Variants in KIF13B observed in about 807,000 individuals in gnomAD.
KIF13B encodes the protein kinesin-like protein KIF13B.
In KIF13B, 127 loss-of-function variants were observed where a neutral mutation model predicts 222.0. The observed-to-expected ratio is 0.57, with a 90% CI of 0.50 to 0.66. The LOEUF (loss-of-function observed/expected upper bound fraction) is 0.66. Among genes scored for constraint, KIF13B ranks in the 30% least tolerant of loss-of-function variants. The probability of loss-of-function intolerance (pLI) is 0.00; values close to 1 mark genes in which losing one functional copy is unlikely to be tolerated. For synonymous variants in KIF13B, 976 were observed against 919.0 expected (o/e 1.06, Z -1.12); for missense variants, 2,173 against 2,379.0 (o/e 0.91, Z 1.80).
intron 2 of KIF13B, among the ~76,000 whole-genome samples, chr8:29,211,670 A>T (rs1471054): frequency 0.046 from 6,950 of 152,288 alleles, 338 homozygotes; most frequent in African/African-American, 0.12. Context: ...ACTAGTACTG[A>T]GGAAGCATGT....
intron 30 of KIF13B, 133 bp downstream of exon 30, chr8:29,118,735 G>A (rs1809717989): frequency 1.2e-6 from 1 of 851,454 alleles, no homozygotes; most frequent in Non-Finnish European, 1.9e-6. Flanking sequence ...TGGAAGTCAT[G>A]ATGAAAGGTT....
intron 18 of KIF13B, chr8:29,146,093 G>C (rs1317340687): frequency 1.0e-5 from 6 of 573,532 alleles, no homozygotes; most frequent in Non-Finnish European, 6.1e-6. Flanking sequence ...AATCAGAAAA[G>C]ACTTCTAAGA....
rs939052983 is a variant in KIF13B at position 29,140,802 on chromosome 8, A to G, written c.2335-185T>C. 13 of 509,916 alleles carry G rather than the reference A, an allele frequency of 2.5e-5. No homozygotes were observed. The South Asian group carries it at 3.8e-4, about 15-fold the overall frequency. The allele number at this position is 509,916 out of a possible 1,614,324, so 31.6% of individuals were successfully genotyped here. ...ACAGCGCTGTATTACTCCCATACAC[A>G]CTCTTCCTCATTCCCATTCACAATG... On this transcript the variant is annotated intron_variant, in intron 19 of 39. Transcript: ENST00000524189.
intron 32 of KIF13B, among the ~76,000 whole-genome samples, 154 bp downstream of exon 32, chr8:29,113,309 C>T (rs769162701): frequency 1.3e-5 from 2 of 152,234 alleles, no homozygotes; most frequent in Admixed American, 1.3e-4. Flanking sequence ...GTACATTTTA[C>T]TATGAATTGA....
Position 29,210,317 on chromosome 8 carries a change from A to G in KIF13B, c.150-14118T>C, listed in dbSNP as rs138039140. ...CATTCCAGAGCACACAGACAGCCCT[A>G]CAGATCTACTCACCAGAGAGAGGGC... On this transcript the variant is annotated intron_variant, in intron 2 of 39. Coordinates refer to ENST00000524189, the MANE Select transcript of KIF13B (RefSeq NM_015254.4). Among the ~76,000 whole-genome samples, 6 of 152,328 alleles carry G rather than the reference A, an allele frequency of 3.9e-5. No individual in the cohort carries two copies. In the East Asian group the frequency reaches 1.2e-3, roughly 29 times the overall value.
intron 2 of KIF13B, among the ~76,000 whole-genome samples, chr8:29,223,241 C>G (rs182508025): frequency 7.0e-6 from 1 of 143,482 alleles, no homozygotes. Context: ...GGGGCTGAGG[C>G]GGGAGGATTG....
At chr8:29,261,444 T>C (rs1158226824) in intron 1 of KIF13B, among the ~76,000 whole-genome samples, 18 of 152,236 alleles carry the variant, frequency 1.2e-4, no homozygotes, top group Non-Finnish European at 2.5e-4. Flanking sequence ...TTTTTAGCAC[T>C]GACATTTCCA....
At chr8:29,110,112 TACAC>T in intron 32 of KIF13B, 42 bp from the exon 33 acceptor site, 1 of 1,499,750 alleles carries the variant, frequency 6.7e-7, no homozygotes, top group Non-Finnish European at 9.1e-7. Context: ...CTTCTTGATG[TACAC>T]ACACACACGT....
intron 2 of KIF13B, among the ~76,000 whole-genome samples, chr8:29,223,578 C>T (rs75628279): frequency 4.1e-3 from 628 of 152,128 alleles, no homozygotes; most frequent in East Asian, 0.026. Flanking sequence ...AAATTTAACA[C>T]GTAACTAAAA....
In KIF13B at chr8:29,251,232, A is replaced by G. The variant is rs189300485; in HGVS notation, c.56-5793T>C. On this transcript the variant is annotated intron_variant, in intron 1 of 39. Transcript: ENST00000524189. ...ATTTAGCCTGGAAAAACAAACAAAAAACACCTATCAAAAATCCAAAAGATC... is the reference window on the plus strand; with the variant it reads ...ATTTAGCCTGGAAAAACAAACAAAAGACACCTATCAAAAATCCAAAAGATC... 5.9e-5 allele frequency among the ~76,000 whole-genome samples: 9 copies of G among 151,978 alleles called. No individual in the cohort carries two copies. The East Asian group carries it at 1.4e-3, about 23-fold the overall frequency.
chr8:29,160,482 T>C (rs968936354), intron 13 of KIF13B, among the ~76,000 whole-genome samples: 10 of 152,300 alleles, frequency 6.6e-5, no homozygotes, highest in Admixed American at 3.3e-4. Flanking sequence ...AATTCCCTGA[T>C]ACAAATCACG....
At chr8:29,159,173 CAG>C (rs1811660768) in intron 13 of KIF13B, among the ~76,000 whole-genome samples, 4 of 151,708 alleles carry the variant, frequency 2.6e-5, no homozygotes. Context: ...TTTTTTGAAA[CAG>C]AGTCTTGCTC....
At chr8:29,173,299 A>C (rs886803356) in intron 10 of KIF13B, among the ~76,000 whole-genome samples, 4 of 152,106 alleles carry the variant, frequency 2.6e-5, no homozygotes, top group Non-Finnish European at 5.9e-5. Context: ...GTTTCTATGG[A>C]AAGTTTGAAG....
Position 29,217,173 on chromosome 8 carries a change from A to G in KIF13B, c.150-20974T>C, listed in dbSNP as rs192827156. ...GAGTACACACAGGCTGTGCTCCCCC[A>G]CCCTGTAGAGGAGGCCTGCAACTGT... On this transcript the variant is annotated intron_variant, in intron 2 of 39. Coordinates refer to ENST00000524189, the MANE Select transcript of KIF13B (RefSeq NM_015254.4). Among the ~76,000 whole-genome samples, 12 of 152,178 alleles carry G rather than the reference A, an allele frequency of 7.9e-5. No homozygotes were observed. In the East Asian group the frequency reaches 2.1e-3, roughly 27 times the overall value.
intron 21 of KIF13B, among the ~76,000 whole-genome samples, chr8:29,135,753 G>A (rs1810524559): frequency 6.6e-6 from 1 of 152,100 alleles, no homozygotes; most frequent in Non-Finnish European, 1.5e-5. Context: ...AAATTAGCCA[G>A]ATGTGGTGGC....
In KIF13B at chr8:29,110,083, A is replaced by C; in HGVS notation, c.3931-13T>G. 1 of 1,552,154 alleles carries C rather than the reference A, an allele frequency of 6.4e-7. No individual in the cohort carries two copies. The highest frequency in any genetic ancestry group is 2.4e-5 in the East Asian group (1 of 41,008). Reference sequence around the variant, plus strand: ...CTCCCTGGGCATCCTGAGCAGTGGAAAGTTATACATTATAAAAGCTTCTTG... The same window carrying C: ...CTCCCTGGGCATCCTGAGCAGTGGACAGTTATACATTATAAAAGCTTCTTG... On this transcript the variant is annotated splice_polypyrimidine_tract_variant and intron_variant, in intron 32 of 39. Transcript: ENST00000524189.
At chr8:29,145,970 G>C (rs1254828932) in intron 18 of KIF13B, 5 of 309,110 alleles carry the variant, frequency 1.6e-5, no homozygotes, top group African/African-American at 1.1e-4. Context: ...CAGTTTTACA[G>C]AGCAAGCTAT....
intron 26 of KIF13B, among the ~76,000 whole-genome samples, chr8:29,125,576 T>C (rs534514943): frequency 2.3e-4 from 35 of 152,304 alleles, no homozygotes; most frequent in African/African-American, 8.2e-4. Flanking sequence ...CAGTGACTTA[T>C]AGGAAAGCAG....
chr8:29,095,781 A>T (rs1362888887), intron 36 of KIF13B, among the ~76,000 whole-genome samples: 1 of 151,894 alleles, frequency 6.6e-6, no homozygotes, highest in Non-Finnish European at 1.5e-5. Flanking sequence ...AAAACAAAAC[A>T]AAACAAAACA....
Sources: gnomAD v4.1 joint callset for allele counts (sites outside exome capture counted in the v4.1 genomes callset) on GRCh38, gnomAD v4.1.1 for gene constraint, MANE v1.5 for transcripts, NCBI Gene and HGNC (gene_info 2026-07-23, HGNC 2026-07-21) for gene names.